Variants in PTPRA observed in about 807,000 individuals in gnomAD.
PTPRA encodes the protein protein tyrosine phosphatase receptor type A.
In PTPRA, 25 loss-of-function variants were observed where a neutral mutation model predicts 104.8. The observed-to-expected ratio is 0.24, with a 90% CI of 0.17 to 0.33. The LOEUF (loss-of-function observed/expected upper bound fraction) is 0.33, where lower values mean the gene tolerates loss of function less well. PTPRA is among the 10% of genes least tolerant of loss of function. The pLI is 1.00. For missense variants in PTPRA, 765 were observed against 1,015.3 expected (o/e 0.75, Z 3.35); for synonymous variants, 323 against 368.9 (o/e 0.88, Z 1.43).
At chr20:2,979,865 A>AT (rs1276286903) in intron 6 of PTPRA, among the ~76,000 whole-genome samples, 1 of 145,398 alleles carries the variant, frequency 6.9e-6, no homozygotes, top group Admixed American at 6.9e-5. Flanking sequence ...TTCTATCTAG[A>AT]TTTTTTCCCT....
At chr20:2,957,860 G>T (rs2061593525) in intron 3 of PTPRA, among the ~76,000 whole-genome samples, 1 of 152,138 alleles carries the variant, frequency 6.6e-6, no homozygotes, top group Admixed American at 6.6e-5. Flanking sequence ...GAGAGCTAAG[G>T]AAAGACAGAA....
chr20:2,865,593 C>A, the PTPRA span: 1 of 1,097,862 alleles, frequency 9.1e-7, no homozygotes, highest in Admixed American at 2.4e-5. The surrounding 1 kb of genome is among the most constrained non-coding windows in gnomAD (Gnocchi z 5.2). Context: ...GTTCATGCTC[C>A]TGTTCAGCTG....
At chr20:2,999,306 G>C (rs1377351371) in intron 9 of PTPRA, among the ~76,000 whole-genome samples, 4 of 152,136 alleles carry the variant, frequency 2.6e-5, no homozygotes, top group Admixed American at 6.5e-5. Context: ...TAGATTCAAT[G>C]CAATTCCAAT....
Position 3,037,436 on chromosome 20 carries a change from C to A in PTPRA, c.2334+147C>A. ...GCCCTCCCAAGGTGCCCCAAATACA[C>A]AGGAAACATTGGGAGGCAGGATGGC... is the stretch of plus-strand genomic sequence containing the variant. On this transcript the variant is annotated intron_variant, in intron 23 of 23. Coordinates refer to ENST00000399903, the MANE Select transcript of PTPRA (RefSeq NM_001385305.1). This position sits in a 1 kb window ranked among gnomAD's most constrained non-coding sequence, Gnocchi z 4.3. 1 of 1,312,680 alleles carries A rather than the reference C, an allele frequency of 7.6e-7. No homozygotes were observed. Among genetic ancestry groups the A allele is most frequent in the Non-Finnish European group, 1.0e-6 (1 of 961,644 alleles). 81.3% of individuals were successfully genotyped at this position (1,312,680 alleles called of 1,614,324 possible). A position where few individuals can be genotyped will look rare whatever the true frequency, so the allele number is the denominator to read the frequency against.
intron 1 of PTPRA, among the ~76,000 whole-genome samples, chr20:2,906,573 T>C (rs2147159944): frequency 6.6e-6 from 1 of 152,358 alleles, no homozygotes; most frequent in South Asian, 2.1e-4. Flanking sequence ...TTTATTGAAA[T>C]ACAGGTATAC....
intron 2 of PTPRA, among the ~76,000 whole-genome samples, chr20:2,945,942 G>A (rs1471719089): frequency 2.0e-5 from 3 of 151,444 alleles, no homozygotes; most frequent in South Asian, 2.1e-4. Flanking sequence ...ATATATATGC[G>A]TGTGTGTATA....
At chr20:2,982,758 G>C (rs867419051) in intron 6 of PTPRA, among the ~76,000 whole-genome samples, 32 of 151,340 alleles carry the variant, frequency 2.1e-4, no homozygotes, top group African/African-American at 7.3e-4. Context: ...GTGCAGTGGC[G>C]CAATCTCGGC....
At chr20:2,904,957 C>T (rs1337142642) in intron 1 of PTPRA, among the ~76,000 whole-genome samples, 1 of 152,048 alleles carries the variant, frequency 6.6e-6, no homozygotes. Context: ...GCAGGGATAC[C>T]CAACCTCCAG....
intron 7 of PTPRA, 96 bp downstream of exon 7, chr20:2,986,945 C>T (rs2062934669): frequency 9.1e-7 from 1 of 1,093,584 alleles, no homozygotes; most frequent in Non-Finnish European, 1.4e-6. Context: ...AGGATATACA[C>T]AATGAATAGG....
chr20:2,881,832 C>G (rs950612523), intron 1 of PTPRA, among the ~76,000 whole-genome samples: 2 of 152,178 alleles, frequency 1.3e-5, no homozygotes, highest in African/African-American at 4.8e-5. Flanking sequence ...AAAACCCTGT[C>G]TCTACTAAAA....
At chr20:2,947,891 C>A in intron 2 of PTPRA, 91 bp from the exon 3 acceptor site, 2 of 524,632 alleles carry the variant, frequency 3.8e-6, no homozygotes, top group East Asian at 7.1e-5. Flanking sequence ...TAAAATTTGC[C>A]TATCGATAAT....
At chr20:2,979,521 C>G (rs1165320869) in intron 6 of PTPRA, among the ~76,000 whole-genome samples, 1 of 152,128 alleles carries the variant, frequency 6.6e-6, no homozygotes, top group African/African-American at 2.4e-5. Flanking sequence ...CCTATTTAGC[C>G]TTTCTTTTTT....
chr20:2,882,975 C>CTTT (rs752857166), intron 1 of PTPRA, among the ~76,000 whole-genome samples: 83 of 113,628 alleles, frequency 7.3e-4, no homozygotes, highest in African/African-American at 1.2e-3. Context: ...AAATCCAACA[C>CTTT]TTTTTTTTTT....
intron 1 of PTPRA, among the ~76,000 whole-genome samples, chr20:2,888,972 C>G (rs2058698449): frequency 6.6e-6 from 1 of 152,174 alleles, no homozygotes; most frequent in African/African-American, 2.4e-5. Context: ...GGAGAGATTA[C>G]TTAAACCATC....
intron 2 of PTPRA, among the ~76,000 whole-genome samples, chr20:2,944,306 T>C (rs1442811472): frequency 6.6e-6 from 1 of 152,108 alleles, no homozygotes; most frequent in Non-Finnish European, 1.5e-5. Flanking sequence ...CCTCCCAAAG[T>C]GCTGGGATTA....
chr20:2,945,373 C>T (rs1395554855), intron 2 of PTPRA, among the ~76,000 whole-genome samples: 3 of 152,076 alleles, frequency 2.0e-5, no homozygotes, highest in African/African-American at 4.8e-5. Flanking sequence ...TCTAGCTTTG[C>T]CTAGGAGTCT....
At position 3,035,859 on chromosome 20, in the gene PTPRA, G is replaced by A. The variant is rs185654279; in HGVS notation, c.2116G>A (p.Gly706Arg). ...GCCTGAAGTGGGCATCCCCAGTGAC[G>A]GAAAGGGCATGATCAGCATCATCGC... is the stretch of plus-strand genomic sequence containing the variant. The part of the protein sequence containing the change: ...GWPEVGIPSD[G>R]KGMISIIAAV... Residue 706 changes from glycine to arginine, a missense_variant, in exon 22 of 24, where the codon GGA (glycine) becomes AGA (arginine). Gly to Arg is a moderately radical substitution (Grantham distance 125). This residue lies in a region of PTPRA where 72 missense variants were observed against 140.7 expected (regional missense o/e 0.51). Transcript: ENST00000399903. This position sits in a 1 kb window ranked among gnomAD's most constrained non-coding sequence, Gnocchi z 5.8. 1.5e-5 allele frequency: 24 copies of A among 1,614,142 alleles called. No individual in the cohort carries two copies. The highest frequency in any genetic ancestry group is 2.2e-5 in the East Asian group (1 of 44,876).
At chr20:2,989,164 G>A (rs568920092) in intron 9 of PTPRA, among the ~76,000 whole-genome samples, 33 of 152,228 alleles carry the variant, frequency 2.2e-4, no homozygotes, top group Non-Finnish European at 4.1e-4. Flanking sequence ...GGCCAGCACG[G>A]TGACTCACGC....
intron 1 of PTPRA, among the ~76,000 whole-genome samples, chr20:2,922,423 T>TC (rs1195836906): frequency 1.3e-5 from 2 of 152,060 alleles, no homozygotes; most frequent in African/African-American, 4.8e-5. Flanking sequence ...CACTGCAACC[T>TC]CCCCCTCCTG....
Sources: allele counts gnomAD v4.1 joint callset (sites outside exome capture counted in the v4.1 genomes callset), GRCh38; gene constraint gnomAD v4.1.1; regional missense constraint gnomAD v4.1.1; non-coding constraint Gnocchi (gnomAD v3.1); transcripts MANE v1.5; gene names NCBI Gene and HGNC (gene_info 2026-07-23, HGNC 2026-07-21).